The following RSPO3 variants were observed in gnomAD, a reference collection of about 807,000 sequenced individuals.
RSPO3 encodes the protein R-spondin 3.
RSPO3 carries 17 observed loss-of-function variants against 36.5 expected under a neutral mutation model. The observed-to-expected ratio is 0.47, with a 90% CI of 0.32 to 0.70. The LOEUF is 0.70. Among genes scored for constraint, RSPO3 ranks in the 30% least tolerant of loss-of-function variants. RSPO3 has a pLI of 0.04. For synonymous variants in RSPO3, 108 were observed against 107.0 expected, an observed-to-expected ratio of 1.01 and a Z score of -0.06; for missense variants, 294 against 322.5, an observed-to-expected ratio of 0.91 and a Z score of 0.68.
chr6:127,130,235 T>C (rs1048302568), intron 1 of RSPO3, among the ~76,000 whole-genome samples: 3 of 152,130 alleles, frequency 2.0e-5, no homozygotes, highest in Admixed American at 2.0e-4. Context: ...TTTGAAACCA[T>C]TGGCTTGGAT....
intron 1 of RSPO3, among the ~76,000 whole-genome samples, chr6:127,135,156 T>C (rs1389757965): frequency 6.6e-6 from 1 of 152,214 alleles, no homozygotes; most frequent in Non-Finnish European, 1.5e-5. Flanking sequence ...GTGCGGTGGC[T>C]CACGCCTGTA....
chr6:127,192,130 A>G (rs964888482), intron 4 of RSPO3, among the ~76,000 whole-genome samples: 2 of 152,122 alleles, frequency 1.3e-5, no homozygotes, highest in South Asian at 4.1e-4. Flanking sequence ...GTCTCTCTTC[A>G]TGGAGTTCAA....
At chr6:127,189,002 G>A (rs1775353934) in intron 4 of RSPO3, among the ~76,000 whole-genome samples, 1 of 152,140 alleles carries the variant, frequency 6.6e-6, no homozygotes, top group Non-Finnish European at 1.5e-5. Flanking sequence ...CTGTAGAACA[G>A]GGGTTGAATA....
At position 127,196,471 on chromosome 6, in the gene RSPO3, C is replaced by T. The variant is rs907585198; in HGVS notation, c.*464C>T. On this transcript the variant is annotated 3_prime_UTR_variant, in exon 5 of 5. Coordinates refer to ENST00000356698, the MANE Select transcript of RSPO3 (RefSeq NM_032784.5). ...GACAGTGTTGTTTTGACCGGGAGATCTAGAGAGTGCTCAGAATTAGGGCCT... is the reference window on the plus strand; with the variant it reads ...GACAGTGTTGTTTTGACCGGGAGATTTAGAGAGTGCTCAGAATTAGGGCCT... The T allele has an allele frequency of 9.2e-5, 14 of 152,364 alleles. No individual in the cohort carries two copies. Among genetic ancestry groups the T allele is most frequent in the African/African-American group, 3.4e-4 (14 of 41,564 alleles). 9.4% of individuals were successfully genotyped at this position (152,364 alleles called of 1,614,324 possible).
intron 4 of RSPO3, among the ~76,000 whole-genome samples, chr6:127,161,848 A>G (rs1296004705): frequency 6.6e-6 from 1 of 152,162 alleles, no homozygotes; most frequent in African/African-American, 2.4e-5. Flanking sequence ...TAAGCAAACA[A>G]TGATCTTGCC....
At chr6:127,139,593 T>G (rs1774228929) in intron 1 of RSPO3, among the ~76,000 whole-genome samples, 1 of 152,096 alleles carries the variant, frequency 6.6e-6, no homozygotes, top group Admixed American at 6.6e-5. Context: ...AAAAAAAAAT[T>G]TCTAATTATT....
chr6:127,162,476 T>C (rs1249080006), intron 4 of RSPO3, among the ~76,000 whole-genome samples: 3 of 152,182 alleles, frequency 2.0e-5, no homozygotes, highest in African/African-American at 7.2e-5. Flanking sequence ...CAACTATTGA[T>C]ACAGGAGATG....
intron 4 of RSPO3, among the ~76,000 whole-genome samples, chr6:127,179,281 G>C (rs1026352677): frequency 2.0e-5 from 3 of 151,852 alleles, no homozygotes; most frequent in Non-Finnish European, 4.4e-5. Context: ...ATTAGATTGA[G>C]AGTAGAGGTA....
intron 1 of RSPO3, among the ~76,000 whole-genome samples, chr6:127,125,319 G>T (rs1773918361): frequency 6.6e-6 from 1 of 152,254 alleles, no homozygotes; most frequent in African/African-American, 2.4e-5. Context: ...ATAAGTTTGT[G>T]GTAGAATCTG....
chr6:127,135,825 G>A (rs1009522933), intron 1 of RSPO3, among the ~76,000 whole-genome samples: 4 of 151,840 alleles, frequency 2.6e-5, no homozygotes, highest in Non-Finnish European at 5.9e-5. Context: ...TACTGTGGGG[G>A]CTGAAGTGAG....
intron 4 of RSPO3, among the ~76,000 whole-genome samples, chr6:127,173,025 T>C (rs1407581239): frequency 1.3e-5 from 2 of 151,240 alleles, no homozygotes; most frequent in Non-Finnish European, 1.5e-5. Flanking sequence ...TGCCCTGTGT[T>C]CAAGAGGATC....
At chr6:127,183,656 G>A (rs1165132005) in intron 4 of RSPO3, among the ~76,000 whole-genome samples, 4 of 151,990 alleles carry the variant, frequency 2.6e-5, no homozygotes, top group Admixed American at 2.6e-4. Flanking sequence ...CAGTTCTCAG[G>A]CTCTTGCCAA....
intron 1 of RSPO3, among the ~76,000 whole-genome samples, chr6:127,145,881 G>A (rs1165900654): frequency 6.6e-6 from 1 of 152,192 alleles, no homozygotes; most frequent in African/African-American, 2.4e-5. Flanking sequence ...ATGGCTGAAA[G>A]TGTTGTTACA....
intron 4 of RSPO3, among the ~76,000 whole-genome samples, chr6:127,190,735 T>C (rs1194558522): frequency 2.0e-5 from 3 of 152,236 alleles, no homozygotes; most frequent in Non-Finnish European, 2.9e-5. Context: ...CTAGTTTGTC[T>C]TGGGAAGTGA....
At chr6:127,190,251 A>T (rs1775381405) in intron 4 of RSPO3, among the ~76,000 whole-genome samples, 1 of 152,080 alleles carries the variant, frequency 6.6e-6, no homozygotes, top group Non-Finnish European at 1.5e-5. Context: ...TGGTAAAACC[A>T]AACCCCATCT....
chr6:127,135,157 C>T (rs1774128963), intron 1 of RSPO3, among the ~76,000 whole-genome samples: 1 of 152,196 alleles, frequency 6.6e-6, no homozygotes, highest in Non-Finnish European at 1.5e-5. Flanking sequence ...TGCGGTGGCT[C>T]ACGCCTGTAA....
intron 1 of RSPO3, among the ~76,000 whole-genome samples, chr6:127,128,077 G>A (rs1257181555): frequency 6.6e-6 from 1 of 152,064 alleles, no homozygotes; most frequent in Admixed American, 6.6e-5. Context: ...ACCAAGAAAA[G>A]ATTAATGTAG....
chr6:127,164,163 A>G (rs1036018040), intron 4 of RSPO3, among the ~76,000 whole-genome samples: 1 of 152,056 alleles, frequency 6.6e-6, no homozygotes, highest in Non-Finnish European at 1.5e-5. Flanking sequence ...AATGGACCCT[A>G]CTTTGAATCA....
At chr6:127,146,550 T>C (rs1582794160) in intron 1 of RSPO3, among the ~76,000 whole-genome samples, 1 of 152,270 alleles carries the variant, frequency 6.6e-6, no homozygotes, top group East Asian at 1.9e-4. Context: ...AATATGTAAA[T>C]CATGTTTATA....
Sources: allele counts gnomAD v4.1 joint callset (sites outside exome capture counted in the v4.1 genomes callset), GRCh38; gene constraint gnomAD v4.1.1; transcripts MANE v1.5; gene names NCBI Gene and HGNC (gene_info 2026-07-23, HGNC 2026-07-21).